Variants in ITGA9 observed in about 807,000 individuals in gnomAD.
ITGA9 encodes integrin subunit alpha 9.
In ITGA9, 56 loss-of-function variants were observed where a neutral mutation model predicts 127.8. The observed-to-expected ratio is 0.44, with a 90% CI of 0.35 to 0.55. The LOEUF (loss-of-function observed/expected upper bound fraction) is 0.55. ITGA9 is among the 20% of genes least tolerant of loss of function. The pLI is 0.00. For missense variants in ITGA9, 1,196 were observed against 1,347.1 expected (o/e 0.89, Z 1.76); for synonymous variants, 508 against 514.5 (o/e 0.99, Z 0.17).
chr3:37,581,337 G>T (rs912188761), intron 15 of ITGA9, among the ~76,000 whole-genome samples: 1 of 152,178 alleles, frequency 6.6e-6, no homozygotes, highest in African/African-American at 2.4e-5. Context: ...TGTGAAAAAG[G>T]GAGGGAAAGA....
Position 37,506,005 on chromosome 3 carries a change from G to T in ITGA9, c.748G>T (p.Ala250Ser), listed in dbSNP as rs372214519. The change falls in exon 7 of 28, where the codon GCA becomes TCA. Residue 250 changes from alanine to serine, a missense_variant. Physicochemically the swap from Ala to Ser is moderately conservative, Grantham distance 99 (BLOSUM62 1). Coordinates refer to ENST00000264741, the MANE Select transcript of ITGA9 (RefSeq NM_002207.3). Reference sequence around the variant, plus strand: ...TTTCCGCCCATCCTGTTCAGGCTACGCAGTGACCGCTGGCCACTTCTCTCA... The same window carrying T: ...TTTCCGCCCATCCTGTTCAGGCTACTCAGTGACCGCTGGCCACTTCTCTCA... The part of the protein sequence containing the change: ...MNRRYTYLGY[A>S]VTAGHFSHPS... 33 of 1,603,904 alleles carry T rather than the reference G, an allele frequency of 2.1e-5. No homozygotes were observed. The highest frequency in any genetic ancestry group is 2.6e-5 in the Non-Finnish European group (30 of 1,175,388).
intron 15 of ITGA9, among the ~76,000 whole-genome samples, chr3:37,573,821 C>A (rs1699625788): frequency 6.6e-6 from 1 of 152,114 alleles, no homozygotes; most frequent in Admixed American, 6.6e-5. Context: ...ACTGTGGACA[C>A]AGTGGCAGCA....
At position 37,695,032 on chromosome 3, in the gene ITGA9, C is replaced by T. The variant is rs1368508206; in HGVS notation, c.2067+11017C>T. On this transcript the variant is annotated intron_variant, in intron 18 of 27. Coordinates refer to ENST00000264741, the MANE Select transcript of ITGA9 (RefSeq NM_002207.3). ...GAAACTCAGGCAGGGTCCCTCAGAG[C>T]GTGGCCTCAGCCTGATGCTGCAAGG... Among the ~76,000 whole-genome samples, 4 of 152,026 alleles carry T rather than the reference C, an allele frequency of 2.6e-5. No homozygotes were observed. The East Asian group carries it at 5.8e-4, about 22-fold the overall frequency.
intron 17 of ITGA9, among the ~76,000 whole-genome samples, chr3:37,654,404 C>T (rs997330121): frequency 6.6e-6 from 1 of 152,194 alleles, no homozygotes; most frequent in Non-Finnish European, 1.5e-5. Context: ...TCTGTTTCCT[C>T]TTTGCCAACC....
At chr3:37,797,737 A>G (rs2125559880) in intron 26 of ITGA9, among the ~76,000 whole-genome samples, 1 of 152,018 alleles carries the variant, frequency 6.6e-6, no homozygotes, top group Admixed American at 6.6e-5. Flanking sequence ...TTTATTTTTT[A>G]TTTTATTTTT....
chr3:37,669,263 C>T (rs1157308042), intron 17 of ITGA9, among the ~76,000 whole-genome samples: 1 of 152,220 alleles, frequency 6.6e-6, no homozygotes. Flanking sequence ...TGGAAAGTCA[C>T]CCTTGCCCTG....
In ITGA9 at chr3:37,814,920, A is replaced by C. The variant is rs1320857152; in HGVS notation, c.3010-3971A>C. 6.6e-6 allele frequency among the ~76,000 whole-genome samples: 1 copy of C among 152,194 alleles called. No homozygotes were observed. The highest frequency in any genetic ancestry group is 1.9e-4 in the East Asian group (1 of 5,188). On this transcript the variant is annotated intron_variant, in intron 27 of 27. Coordinates refer to ENST00000264741, the MANE Select transcript of ITGA9 (RefSeq NM_002207.3). This position sits in a 1 kb window ranked among gnomAD's most constrained non-coding sequence, Gnocchi z 4.3. Reference sequence around the variant, plus strand: ...AGACTCTAAAAAAAGGAAGACATACATCAGTGGTAGCTCTGATCTCCCATC... The same window carrying C: ...AGACTCTAAAAAAAGGAAGACATACCTCAGTGGTAGCTCTGATCTCCCATC...
chr3:37,466,483 CAAAAAAAAAAA>C (rs60980366), intron 1 of ITGA9, among the ~76,000 whole-genome samples: 28 of 26,068 alleles, frequency 1.1e-3, no homozygotes, highest in South Asian at 7.5e-3. Context: ...GACACCATCT[CAAAAAAAAAAA>C]AAAAAAAAAA....
chr3:37,769,338 C>CAAA (rs35133772), intron 23 of ITGA9, among the ~76,000 whole-genome samples: 2 of 114,352 alleles, frequency 1.7e-5, no homozygotes. Context: ...AACTCTGTCT[C>CAAA]AAAAAAAAAA....
intron 15 of ITGA9, among the ~76,000 whole-genome samples, chr3:37,612,001 C>T (rs1039104553): frequency 3.3e-5 from 5 of 152,012 alleles, no homozygotes; most frequent in Non-Finnish European, 7.4e-5. Flanking sequence ...ACCCCAGGGG[C>T]CCTGGGGTGA....
chr3:37,594,266 G>GT (rs1404932384), intron 15 of ITGA9, among the ~76,000 whole-genome samples: 1 of 152,186 alleles, frequency 6.6e-6, no homozygotes, highest in Admixed American at 6.5e-5. Flanking sequence ...GTTTATACCA[G>GT]GAGCAAGTGG....
intron 17 of ITGA9, among the ~76,000 whole-genome samples, chr3:37,682,443 G>T (rs12635404): frequency 5.3e-5 from 8 of 152,154 alleles, no homozygotes; most frequent in African/African-American, 1.9e-4. Flanking sequence ...CTCCTCTCTC[G>T]ATTTTCCTCT....
rs148613203 is a variant in ITGA9 at position 37,530,520 on chromosome 3, A to G, written c.1374-2794A>G. Among the ~76,000 whole-genome samples the G allele has an allele frequency of 2.3e-3, 349 of 152,228 alleles. 1 individual carries two copies. The highest frequency in any genetic ancestry group is 0.02 in the Middle Eastern group (6 of 294). On this transcript the variant is annotated intron_variant, in intron 13 of 27. Transcript: ENST00000264741. ...TAGCTCCCTGGAGATAGGTGGCCCC[A>G]GGGCTGGCTTAGTAACCTAACAATG...
In ITGA9 at chr3:37,723,627, G is replaced by A. The variant is rs529037539; in HGVS notation, c.2068-9085G>A. On this transcript the variant is annotated intron_variant, in intron 18 of 27. Coordinates refer to ENST00000264741, the MANE Select transcript of ITGA9 (RefSeq NM_002207.3). The stretch of plus-strand genomic sequence containing the variant: ...TCCACCTGCCTTGGCCTCCCAAGGT[G>A]CTGGGATTACAGGCATGAGACACTG... Among the ~76,000 whole-genome samples the A allele has an allele frequency of 2.7e-4, 41 of 152,322 alleles. 1 individual carries two copies. In the East Asian group the frequency reaches 7.9e-3, roughly 29 times the overall value.
intron 1 of ITGA9, among the ~76,000 whole-genome samples, chr3:37,458,510 T>C (rs1201254115): frequency 1.3e-5 from 2 of 152,228 alleles, no homozygotes; most frequent in African/African-American, 4.8e-5. Flanking sequence ...TGGCTGGAGC[T>C]GTCTGGGAAG....
At chr3:37,615,550 C>A (rs1191233019) in intron 15 of ITGA9, among the ~76,000 whole-genome samples, 1 of 152,182 alleles carries the variant, frequency 6.6e-6, no homozygotes, top group Non-Finnish European at 1.5e-5. Context: ...AGTCCCAGCT[C>A]CTCCTTGTAC....
At chr3:37,460,136 C>T (rs1171458922) in intron 1 of ITGA9, among the ~76,000 whole-genome samples, 1 of 152,126 alleles carries the variant, frequency 6.6e-6, no homozygotes, top group African/African-American at 2.4e-5. Context: ...TCTACTGGCT[C>T]CCACCACTTA....
chr3:37,497,071 A>G (rs1698738431), intron 5 of ITGA9, among the ~76,000 whole-genome samples: 1 of 152,156 alleles, frequency 6.6e-6, no homozygotes, highest in Admixed American at 6.5e-5. Context: ...ATGTCATTTA[A>G]TATCCTTTTA....
chr3:37,564,776 G>A (rs1373833341), intron 15 of ITGA9, among the ~76,000 whole-genome samples: 1 of 152,152 alleles, frequency 6.6e-6, no homozygotes, highest in East Asian at 1.9e-4. Context: ...GAGCTTTGGA[G>A]CCCACAGCAG....
Sources: allele counts gnomAD v4.1 joint callset (sites outside exome capture counted in the v4.1 genomes callset), GRCh38; gene constraint gnomAD v4.1.1; non-coding constraint Gnocchi (gnomAD v3.1); transcripts MANE v1.5; gene names NCBI Gene and HGNC (gene_info 2026-07-23, HGNC 2026-07-21).